Variants in SLC44A5 observed in about 807,000 individuals in gnomAD.
The protein encoded by SLC44A5 is solute carrier family 44 member 5, also known as choline transporter-like protein 5.
SLC44A5 carries 57 observed loss-of-function variants against 101.8 expected under a neutral mutation model. That is an observed-to-expected ratio of 0.56 (90% CI 0.45 to 0.70). The LOEUF is 0.70. SLC44A5 is among the 30% of genes least tolerant of loss of function. The pLI, the probability that SLC44A5 is intolerant of heterozygous loss-of-function variation, is 0.00. For missense variants in SLC44A5, 737 were observed against 853.1 expected (o/e 0.86, Z 1.70); for synonymous variants, 281 against 290.9 (o/e 0.97, Z 0.35).
At chr1:75,302,436 G>A (rs915841297) in intron 4 of SLC44A5, among the ~76,000 whole-genome samples, 11 of 151,978 alleles carry the variant, frequency 7.2e-5, no homozygotes, top group East Asian at 1.9e-4. Context: ...CTGCCATCCC[G>A]TCCTTATATA....
intron 4 of SLC44A5, among the ~76,000 whole-genome samples, chr1:75,309,325 G>C (rs1655129123): frequency 6.6e-6 from 1 of 152,134 alleles, no homozygotes; most frequent in Non-Finnish European, 1.5e-5. Flanking sequence ...TGTGCCTATA[G>C]TCTCAGCTTC....
chr1:75,540,429 G>A (rs1388642830), intron 2 of SLC44A5, among the ~76,000 whole-genome samples: 1 of 152,168 alleles, frequency 6.6e-6, no homozygotes, highest in Non-Finnish European at 1.5e-5. Flanking sequence ...AGAGGCTCTG[G>A]ACACAGAATT....
At chr1:75,502,624 T>A (rs1027734929) in intron 2 of SLC44A5, among the ~76,000 whole-genome samples, 1 of 152,166 alleles carries the variant, frequency 6.6e-6, no homozygotes, top group South Asian at 2.1e-4. Context: ...TACATATGTA[T>A]ACATGTGCCA....
chr1:75,677,429 T>C, the SLC44A5 span, among the ~76,000 whole-genome samples: 1 of 152,202 alleles, frequency 6.6e-6, no homozygotes, highest in South Asian at 2.1e-4. Flanking sequence ...TAATGGCTTA[T>C]ACTATTTGTA....
intron 4 of SLC44A5, among the ~76,000 whole-genome samples, chr1:75,308,847 A>T (rs969053169): frequency 2.0e-5 from 3 of 152,218 alleles, no homozygotes; most frequent in Non-Finnish European, 4.4e-5. Flanking sequence ...AAAATAGAAA[A>T]CTGCATGTCT....
the SLC44A5 span, among the ~76,000 whole-genome samples, chr1:75,723,039 G>A: frequency 1.3e-5 from 2 of 152,150 alleles, no homozygotes; most frequent in African/African-American, 4.8e-5. Context: ...CATTCCACAA[G>A]TTGCTTCCTC....
chr1:75,303,599 G>T (rs552832784), intron 4 of SLC44A5, among the ~76,000 whole-genome samples: 1 of 152,280 alleles, frequency 6.6e-6, no homozygotes, highest in Admixed American at 6.5e-5. Context: ...GCATCAGTTG[G>T]TGTTTTGGTT....
the SLC44A5 span, among the ~76,000 whole-genome samples, chr1:75,630,854 T>C: frequency 6.6e-6 from 1 of 152,160 alleles, no homozygotes; most frequent in Non-Finnish European, 1.5e-5. Flanking sequence ...GAGAAAGACA[T>C]GGACTCGCTG....
chr1:75,369,427 T>G (rs1193799144), intron 3 of SLC44A5, among the ~76,000 whole-genome samples: 2 of 152,188 alleles, frequency 1.3e-5, no homozygotes, highest in Non-Finnish European at 2.9e-5. Context: ...TAAGGATGAT[T>G]AGTACTTTTA....
chr1:75,535,701 T>C (rs745415812), intron 2 of SLC44A5, among the ~76,000 whole-genome samples: 11 of 152,186 alleles, frequency 7.2e-5, no homozygotes, highest in Non-Finnish European at 1.3e-4. Flanking sequence ...CAGGAAACAC[T>C]GGAGAACTCT....
intron 3 of SLC44A5, among the ~76,000 whole-genome samples, chr1:75,344,248 C>G (rs1033642453): frequency 6.6e-6 from 1 of 152,134 alleles, no homozygotes; most frequent in Non-Finnish European, 1.5e-5. Context: ...GGAGAAGAAT[C>G]CTGAGAACTT....
chr1:75,291,960 C>T (rs1408067823), intron 5 of SLC44A5, among the ~76,000 whole-genome samples: 8 of 148,856 alleles, frequency 5.4e-5, no homozygotes, highest in African/African-American at 1.5e-4. Flanking sequence ...TGCAGTGAGC[C>T]GAGATCGCGC....
chr1:75,616,035 C>T (rs1675865058), upstream of SLC44A5: 3 of 329,904 alleles, frequency 9.1e-6, no homozygotes, highest in Admixed American at 6.5e-5. Flanking sequence ...CCGGGCTGCG[C>T]GCTCAGCTCG....
At chr1:75,353,553 A>G (rs147083363) in intron 3 of SLC44A5, among the ~76,000 whole-genome samples, 52 of 152,268 alleles carry the variant, frequency 3.4e-4, no homozygotes, top group African/African-American at 1.0e-3. Flanking sequence ...AAATAATGAA[A>G]TTTATCTTAG....
chr1:75,684,150 C>A, the SLC44A5 span, among the ~76,000 whole-genome samples: 1 of 152,076 alleles, frequency 6.6e-6, no homozygotes, highest in African/African-American at 2.4e-5. Flanking sequence ...CATCAGATCT[C>A]CTGAGACTTA....
intron 5 of SLC44A5, among the ~76,000 whole-genome samples, chr1:75,281,553 G>T (rs913209249): frequency 6.7e-6 from 1 of 149,374 alleles, no homozygotes; most frequent in Admixed American, 6.8e-5. Flanking sequence ...TGTCTCCAGG[G>T]CATGTCAAAG....
chr1:75,723,771 T>C, the SLC44A5 span: 2 of 152,194 alleles, frequency 1.3e-5, no homozygotes, highest in Admixed American at 6.5e-5. Flanking sequence ...AGCGCTTAAT[T>C]AACATTCTGC....
chr1:75,631,975 C>T, the SLC44A5 span, among the ~76,000 whole-genome samples: 1 of 152,134 alleles, frequency 6.6e-6, no homozygotes. Context: ...CAGTATCACT[C>T]ATCCTTATTT....
intron 3 of SLC44A5, among the ~76,000 whole-genome samples, chr1:75,391,169 C>T (rs556315341): frequency 2.0e-5 from 3 of 152,056 alleles, no homozygotes; most frequent in Admixed American, 1.3e-4. Context: ...AGGAGAACTA[C>T]CAAACACTGC....
Sources: gnomAD v4.1 joint callset for allele counts (sites outside exome capture counted in the v4.1 genomes callset) on GRCh38, gnomAD v4.1.1 for gene constraint, MANE v1.5 for transcripts, NCBI Gene and HGNC (gene_info 2026-07-23, HGNC 2026-07-21) for gene names.